Variants in MGAT4C observed in about 807,000 individuals in gnomAD.
MGAT4C encodes the protein MGAT4 family member C.
MGAT4C carries 19 observed loss-of-function variants against 40.1 expected under a neutral mutation model. The ratio of observed to expected loss-of-function variants is 0.47; its 90% CI spans 0.33 to 0.70. MGAT4C has a LOEUF of 0.70. Among genes scored for constraint, MGAT4C ranks in the 30% least tolerant of loss-of-function variants. MGAT4C has a pLI of 0.02. For missense variants in MGAT4C, 491 were observed against 563.2 expected (o/e 0.87, Z 1.30); for synonymous variants, 181 against 187.1 (o/e 0.97, Z 0.27).
intron 1 of MGAT4C, among the ~76,000 whole-genome samples, chr12:86,137,978 G>A (rs1882213738): frequency 6.6e-6 from 1 of 152,078 alleles, no homozygotes; most frequent in Non-Finnish European, 1.5e-5. Context: ...CTACAGTTGG[G>A]ATTTTCCCAA....
chr12:86,221,886 T>C (rs1950891752), intron 1 of MGAT4C, among the ~76,000 whole-genome samples: 1 of 152,244 alleles, frequency 6.6e-6, no homozygotes, highest in South Asian at 2.1e-4. Flanking sequence ...ATTTAATTTG[T>C]CTAAGGCTTT....
At chr12:86,653,044 A>G (rs1185734175) in intron 2 of MGAT4C, among the ~76,000 whole-genome samples, 1 of 151,900 alleles carries the variant, frequency 6.6e-6, no homozygotes, top group Admixed American at 6.6e-5. Context: ...TTAAACTAAT[A>G]TTTTGTTTTA....
At chr12:86,581,015 C>T (rs1301233128) in intron 2 of MGAT4C, among the ~76,000 whole-genome samples, 1 of 151,362 alleles carries the variant, frequency 6.6e-6, no homozygotes, top group Non-Finnish European at 1.5e-5. Context: ...TGGGTTGGCA[C>T]TTAGTATCAT....
chr12:86,543,756 A>C (rs1030118241), intron 2 of MGAT4C, among the ~76,000 whole-genome samples: 5 of 151,250 alleles, frequency 3.3e-5, no homozygotes, highest in African/African-American at 1.2e-4. Context: ...GATAATCCAA[A>C]ATCTAGTGAC....
chr12:86,180,274 C>T (rs1188774959), intron 1 of MGAT4C, among the ~76,000 whole-genome samples: 1 of 152,218 alleles, frequency 6.6e-6, no homozygotes, highest in Admixed American at 6.5e-5. Context: ...GCTTGGATGC[C>T]CAGGCAAAAG....
chr12:86,742,862 T>G (rs1044062578), intron 1 of MGAT4C, among the ~76,000 whole-genome samples: 1 of 151,668 alleles, frequency 6.6e-6, no homozygotes, highest in African/African-American at 2.4e-5. Flanking sequence ...TAAATAGTGT[T>G]CACAGTTGAT....
chr12:86,797,245 C>A (rs977504786), intron 1 of MGAT4C, among the ~76,000 whole-genome samples: 1 of 151,744 alleles, frequency 6.6e-6, no homozygotes, highest in Non-Finnish European at 1.5e-5. Flanking sequence ...CAATTTCAAG[C>A]GCCTTCCCAT....
At chr12:86,559,599 CA>C (rs1230766147) in intron 2 of MGAT4C, among the ~76,000 whole-genome samples, 20 of 151,754 alleles carry the variant, frequency 1.3e-4, no homozygotes, top group African/African-American at 4.6e-4. Context: ...AAAACCAAAA[CA>C]AATAAAAAAT....
At position 86,404,541 on chromosome 12, in the gene MGAT4C, T is replaced by C. The variant is rs115773632; in HGVS notation, c.-120+30616A>G. Among the ~76,000 whole-genome samples the C allele has an allele frequency of 8.4e-3, 1,276 of 152,192 alleles. 24 individuals carry two copies. Among genetic ancestry groups the C allele is most frequent in the African/African-American group, 0.029 (1,188 of 41,548 alleles). On this transcript the variant is annotated intron_variant, in intron 3 of 7. Coordinates refer to the MGAT4C transcript ENST00000548651. ...AGAAAAAGAGTAAGCAATGTGACCA[T>C]GGAGGCAGAAATTAGAATTTCAAAG...
chr12:86,612,508 G>T (rs1175942450), intron 2 of MGAT4C, among the ~76,000 whole-genome samples: 1 of 152,048 alleles, frequency 6.6e-6, no homozygotes, highest in Non-Finnish European at 1.5e-5. Flanking sequence ...CCAGCACTTT[G>T]GGAGGCCAAG....
intron 2 of MGAT4C, among the ~76,000 whole-genome samples, chr12:86,661,863 T>C (rs2136549440): frequency 6.6e-6 from 1 of 152,170 alleles, no homozygotes; most frequent in African/African-American, 2.4e-5. Flanking sequence ...TGCTTGAACC[T>C]GGGAGGTGTA....
intron 1 of MGAT4C, among the ~76,000 whole-genome samples, chr12:86,228,596 A>G (rs1327263514): frequency 2.0e-5 from 3 of 151,818 alleles, no homozygotes; most frequent in Non-Finnish European, 1.5e-5. Flanking sequence ...CTGCACTCTA[A>G]TAGAATGAAC....
At chr12:86,627,652 C>T (rs182976110) in intron 2 of MGAT4C, among the ~76,000 whole-genome samples, 9 of 152,284 alleles carry the variant, frequency 5.9e-5, no homozygotes, top group African/African-American at 2.2e-4. Context: ...GCTGAGGGAC[C>T]TGACTGTTAG....
chr12:86,766,336 C>T (rs1428539755), intron 1 of MGAT4C, among the ~76,000 whole-genome samples: 1 of 152,070 alleles, frequency 6.6e-6, no homozygotes, highest in African/African-American at 2.4e-5. Context: ...AATATATATG[C>T]ACCCAATACA....
chr12:86,669,183 C>T (rs1964190100), intron 2 of MGAT4C, among the ~76,000 whole-genome samples: 1 of 152,078 alleles, frequency 6.6e-6, no homozygotes, highest in South Asian at 2.1e-4. Flanking sequence ...GTTGCCCCAC[C>T]CTTCCTGGAC....
chr12:86,302,501 G>T (rs1385343334), intron 4 of MGAT4C, among the ~76,000 whole-genome samples: 1 of 150,356 alleles, frequency 6.7e-6, no homozygotes, highest in East Asian at 2.0e-4. Flanking sequence ...CAATGTGGGC[G>T]CACTGCAACC....
At chr12:86,761,623 G>A (rs1951407339) in intron 1 of MGAT4C, among the ~76,000 whole-genome samples, 1 of 152,140 alleles carries the variant, frequency 6.6e-6, no homozygotes, top group South Asian at 2.1e-4. Flanking sequence ...AGCTGGTCAG[G>A]AGAAGGCTGG....
At chr12:86,229,287 A>T (rs1951221220) in intron 1 of MGAT4C, among the ~76,000 whole-genome samples, 1 of 151,972 alleles carries the variant, frequency 6.6e-6, no homozygotes, top group Non-Finnish European at 1.5e-5. Context: ...GCTTAAATAT[A>T]TTATTAATAC....
chr12:86,751,114 G>A (rs1951225697), intron 1 of MGAT4C, among the ~76,000 whole-genome samples: 1 of 151,934 alleles, frequency 6.6e-6, no homozygotes, highest in Non-Finnish European at 1.5e-5. Context: ...ACCAATGGAG[G>A]GAATGGGTTC....
Sources: allele counts gnomAD v4.1 joint callset (sites outside exome capture counted in the v4.1 genomes callset), GRCh38; gene constraint gnomAD v4.1.1; transcripts MANE v1.5; gene names NCBI Gene and HGNC (gene_info 2026-07-23, HGNC 2026-07-21).